Variants in GAREM2 observed in about 807,000 individuals in gnomAD.
The protein encoded by GAREM2 is GRB2-associated and regulator of MAPK protein 2.
In GAREM2, 30 loss-of-function variants were observed where a neutral mutation model predicts 55.6. That is an observed-to-expected ratio of 0.54 (90% confidence interval 0.40 to 0.73). The LOEUF (loss-of-function observed/expected upper bound fraction) is 0.73, where lower values mean the gene tolerates loss of function less well. Among genes scored for constraint, GAREM2 ranks in the 30% least tolerant of loss-of-function variants. The pLI is 0.00. For synonymous variants in GAREM2, 550 were observed against 569.1 expected, an observed-to-expected ratio of 0.97 and a Z score of 0.48; for missense variants, 1,075 against 1,257.7, an observed-to-expected ratio of 0.85 and a Z score of 2.20.
At chr2:26,201,138 C>T in the GAREM2 span, 60 of 1,600,654 alleles carry the variant, frequency 3.7e-5, no homozygotes, top group Admixed American at 1.2e-4. Flanking sequence ...GTACAACAGC[C>T]CCTTGCTTAC....
chr2:26,185,066 C>G lies in GAREM2; in HGVS notation c.1218C>G (p.Asp406Glu). 7.7e-7 allele frequency: 1 copy of G among 1,298,010 alleles called. No homozygotes were observed. Among genetic ancestry groups the G allele is most frequent in the Non-Finnish European group, 9.8e-7 (1 of 1,024,688 alleles). The allele number at this position is 1,298,010 out of a possible 1,614,324, so 80.4% of individuals were successfully genotyped here. ...PLAPAPAGEG[D>E]QEYVSPDWAA... is the part of the protein sequence containing the mutation. ...CGCCGGCTCCCGCCGGCGAGGGCGA[C>G]CAGGAGTACGTGAGCCCCGACTGGG... The change falls in exon 4 of 6, where the codon GAC becomes GAG. Residue 406 changes from aspartate (D) to glutamate (E), a missense_variant. Physicochemically the swap from Asp to Glu is conservative, Grantham distance 45 (BLOSUM62 2). Around this residue, in one of 6 missense-constraint regions of GAREM2, gnomAD observed 515 missense variants for 501.5 expected, o/e 1.03. Coordinates refer to ENST00000401533, the MANE Select transcript of GAREM2 (RefSeq NM_001168241.2).
At chr2:26,193,778 C>T (rs111662358), downstream of GAREM2, 1,122 of 1,613,682 alleles carry the variant, frequency 7.0e-4, 9 homozygotes, top group African/African-American at 0.013. Context: ...CCTTCCTGAA[C>T]AGGAAGCGAT....
rs1449431636 is a variant in GAREM2 at position 26,178,918 on chromosome 2, A to T, written c.253+2434A>T. ...GGCGGAGGCGGAGGCAGAGGCCCCT[A>T]GGAGGGCGAAGGCCGGCGGGTTAAC... On this transcript the variant is annotated intron_variant, in intron 2 of 5. Transcript: ENST00000401533. Among the ~76,000 whole-genome samples the T allele has an allele frequency of 1.5e-4, 4 of 26,776 alleles. No individual in the cohort carries two copies. The East Asian group carries it at 8.3e-3, about 56-fold the overall frequency. 17.6% of individuals were successfully genotyped at this position (26,776 alleles called of 152,430 possible). A position where few individuals can be genotyped will look rare whatever the true frequency, so the allele number is the denominator to read the frequency against.
rs1004216464 is a variant in GAREM2 at position 26,184,994 on chromosome 2, G to A, written c.1146G>A (p.Leu382=). The change falls in exon 4 of 6, where the codon CTG becomes CTA. Residue 382 remains leucine, a synonymous_variant. Coordinates refer to ENST00000401533, the MANE Select transcript of GAREM2 (RefSeq NM_001168241.2). The stretch of plus-strand genomic sequence containing the variant: ...GCCCGCGCCGCGCGCGCCTCTGCCT[G>A]CCCGCGCCGCGCGCCCCCGGGCTCG... The part of the protein sequence containing the change: ...CASPRRARLC[L]PAPRAPGLAR... 6 of 1,127,684 alleles carry A rather than the reference G, an allele frequency of 5.3e-6. No homozygotes were observed. In the African/African-American group the frequency reaches 8.3e-5, roughly 16 times the overall value. 69.9% of individuals were successfully genotyped at this position (1,127,684 alleles called of 1,614,324 possible). A position where few individuals can be genotyped will look rare whatever the true frequency, so the allele number is the denominator to read the frequency against.
chr2:26,203,030 A>C, the GAREM2 span, among the ~76,000 whole-genome samples: 1 of 152,198 alleles, frequency 6.6e-6, no homozygotes, highest in African/African-American at 2.4e-5. Context: ...TAGAGCAACA[A>C]TTTCTTACTT....
At chr2:26,201,169 C>T in the GAREM2 span, 9 of 1,613,634 alleles carry the variant, frequency 5.6e-6, no homozygotes, top group South Asian at 1.1e-5. Flanking sequence ...TCCTTTAGCA[C>T]TCTGTGCTTA....
chr2:26,176,569 G>A, intron 2 of GAREM2, 85 bp downstream of exon 2: 1 of 1,243,638 alleles, frequency 8.0e-7, no homozygotes, highest in Admixed American at 3.3e-5. Context: ...GGGAACGCTG[G>A]GACTAGCGAG....
the GAREM2 span, chr2:26,204,196 C>A: frequency 6.2e-7 from 1 of 1,613,840 alleles, no homozygotes; most frequent in Non-Finnish European, 8.5e-7. Flanking sequence ...TAGCCAGATG[C>A]CTGCAAGGCA....
chr2:26,195,216 T>A, the GAREM2 span: 1 of 1,613,036 alleles, frequency 6.2e-7, no homozygotes, highest in Non-Finnish European at 8.5e-7. Flanking sequence ...GGGAGAGAAG[T>A]AGTGCATGCC....
chr2:26,193,330 T>C (rs1421364894), downstream of GAREM2, among the ~76,000 whole-genome samples: 2 of 131,318 alleles, frequency 1.5e-5, no homozygotes, highest in Non-Finnish European at 3.1e-5. Flanking sequence ...GGCCTCGCCA[T>C]GTTGCCCAGG....
At chr2:26,194,574 A>T, downstream of GAREM2, 1 of 1,599,464 alleles carries the variant, frequency 6.3e-7, no homozygotes, top group South Asian at 1.1e-5. Flanking sequence ...ACCAACCTGG[A>T]GGATTCGGAT....
chr2:26,179,832 C>G lies in GAREM2; in HGVS notation c.254-3135C>G, dbSNP rs1050915891. On this transcript the variant is annotated intron_variant, in intron 2 of 5. Coordinates refer to ENST00000401533, the MANE Select transcript of GAREM2 (RefSeq NM_001168241.2). The surrounding 1 kb of genome is among the most constrained non-coding windows in gnomAD (Gnocchi z 4.7). Reference sequence around the variant, plus strand: ...ACATCGATCTTTCCTGCCACATCCTCCCCCAGCTCCAGCCCTGACTTGGCT... The same window carrying G: ...ACATCGATCTTTCCTGCCACATCCTGCCCCAGCTCCAGCCCTGACTTGGCT... Among the ~76,000 whole-genome samples the G allele has an allele frequency of 3.9e-5, 6 of 152,144 alleles. No individual in the cohort carries two copies. Among genetic ancestry groups the G allele is most frequent in the African/African-American group, 1.4e-4 (6 of 41,430 alleles).
downstream of GAREM2, chr2:26,191,611 A>C (rs1345295632): frequency 6.2e-7 from 1 of 1,614,160 alleles, no homozygotes; most frequent in African/African-American, 1.3e-5. Flanking sequence ...GCGGAACTGG[A>C]TGTCTTCGTC....
the GAREM2 span, chr2:26,201,280 C>T: frequency 1.9e-6 from 3 of 1,611,914 alleles, no homozygotes; most frequent in Non-Finnish European, 2.5e-6. Context: ...GAATCCCTTT[C>T]AAATGATGTT....
At chr2:26,175,075 C>CCACACA (rs113787363) in intron 1 of GAREM2, among the ~76,000 whole-genome samples, 11 of 150,212 alleles carry the variant, frequency 7.3e-5, no homozygotes, top group African/African-American at 2.2e-4. Context: ...CGCCACCCTG[C>CCACACA]CACACACACA....
rs758078493 is a variant in GAREM2 at position 26,185,202 on chromosome 2, T to A, written c.1354T>A (p.Ser452Thr). ...VRPPPGLDLI[S>T]FGAAGPPRRE... ...GCCGCCCCCAGGGCTCGATCTCATCTCCTTCGGGGCCGCGGGACCGCCGCG... is the reference window on the plus strand; with the variant it reads ...GCCGCCCCCAGGGCTCGATCTCATCACCTTCGGGGCCGCGGGACCGCCGCG... Residue 452 changes from serine to threonine, a missense_variant, in exon 4 of 6, where the codon TCC becomes ACC. Coordinates refer to ENST00000401533, the MANE Select transcript of GAREM2 (RefSeq NM_001168241.2). 5.9e-4 allele frequency: 897 copies of A among 1,520,150 alleles called. 1 individual carries two copies. Among genetic ancestry groups the A allele is most frequent in the Non-Finnish European group, 6.9e-4 (786 of 1,140,948 alleles). The allele number at this position is 1,520,150 out of a possible 1,614,324, so 94.2% of individuals were successfully genotyped here.
chr2:26,199,001 TCTC>T, the GAREM2 span, among the ~76,000 whole-genome samples: 1 of 152,068 alleles, frequency 6.6e-6, no homozygotes, highest in East Asian at 1.9e-4. Context: ...TTCAAGCAAT[TCTC>T]CTGCCTCAGC....
chr2:26,181,580 CTGTG>C (rs1471068209), intron 2 of GAREM2: 1 of 152,222 alleles, frequency 6.6e-6, no homozygotes, highest in African/African-American at 2.4e-5. Flanking sequence ...TTTGTACCCT[CTGTG>C]TGGCCTACCA....
chr2:26,182,245 T>C lies in GAREM2; in HGVS notation c.254-722T>C, dbSNP rs574631840. On this transcript the variant is annotated intron_variant, in intron 2 of 5. Transcript: ENST00000401533. ...TGTCTCCTAGGGGCATGTGCTGAGC[T>C]TGGCAAAGCACGCAGCCCCAGACTG... 2.0e-4 allele frequency: 288 copies of C among 1,421,278 alleles called. No homozygotes were observed. In the African/African-American group the frequency reaches 3.9e-3, roughly 19 times the overall value. 88.0% of individuals were successfully genotyped at this position (1,421,278 alleles called of 1,614,324 possible).
Sources: allele counts gnomAD v4.1 joint callset (sites outside exome capture counted in the v4.1 genomes callset), GRCh38; gene constraint gnomAD v4.1.1; regional missense constraint gnomAD v4.1.1; non-coding constraint Gnocchi (gnomAD v3.1); transcripts MANE v1.5; gene names NCBI Gene and HGNC (gene_info 2026-07-23, HGNC 2026-07-21).